Variants in RUNX1 observed in about 807,000 individuals in gnomAD.
The protein encoded by RUNX1 is RUNX family transcription factor 1, also known as runt-related transcription factor 1.
In RUNX1, 19 loss-of-function variants were observed where a neutral mutation model predicts 42.8. That is an observed-to-expected ratio of 0.44 (90% CI 0.31 to 0.65). The LOEUF (loss-of-function observed/expected upper bound fraction) is 0.65. Ranked by LOEUF, RUNX1 falls within the 30% of genes least tolerant of loss-of-function variation. The probability of loss-of-function intolerance (pLI) is 0.07; values close to 1 mark genes in which losing one functional copy is unlikely to be tolerated. For missense variants in RUNX1, 528 were observed against 672.0 expected (o/e 0.79, Z 2.37); for synonymous variants, 271 against 289.4 (o/e 0.94, Z 0.64).
intron 5 of RUNX1, among the ~76,000 whole-genome samples, chr21:34,866,207 T>C (rs1026677324): frequency 7.2e-5 from 11 of 152,196 alleles, no homozygotes; most frequent in Non-Finnish European, 1.3e-4. Flanking sequence ...TCAGAGTCCT[T>C]AGGAAACACA....
chr21:34,964,487 C>CAAA (rs58388110), intron 2 of RUNX1, among the ~76,000 whole-genome samples: 2 of 119,336 alleles, frequency 1.7e-5, no homozygotes, highest in African/African-American at 3.0e-5. Context: ...GACTCCATCT[C>CAAA]AAAAAAAAAA....
intron 2 of RUNX1, among the ~76,000 whole-genome samples, chr21:34,969,599 G>A (rs1220727979): frequency 6.6e-6 from 1 of 152,032 alleles, no homozygotes; most frequent in Non-Finnish European, 1.5e-5. Flanking sequence ...TCTGCCAGGA[G>A]ACCATATGAT....
intron 7 of RUNX1, among the ~76,000 whole-genome samples, chr21:34,808,820 T>C (rs1375037346): frequency 6.6e-6 from 1 of 152,122 alleles, no homozygotes; most frequent in Non-Finnish European, 1.5e-5. Flanking sequence ...GGCAGAGTGC[T>C]TTTGGAGGGA....
intron 7 of RUNX1, among the ~76,000 whole-genome samples, chr21:34,825,215 C>G (rs1374900678): frequency 6.6e-6 from 1 of 152,164 alleles, no homozygotes; most frequent in African/African-American, 2.4e-5. Flanking sequence ...AACTGTCTGG[C>G]TTTGGTCATC....
At chr21:34,836,806 T>C (rs1028939908) in intron 6 of RUNX1, among the ~76,000 whole-genome samples, 1 of 152,000 alleles carries the variant, frequency 6.6e-6, no homozygotes, top group Admixed American at 6.6e-5. Context: ...GTGAGCGAGG[T>C]CATTCTGAAT....
chr21:34,877,440 G>T (rs907956314), intron 5 of RUNX1, among the ~76,000 whole-genome samples: 2 of 152,124 alleles, frequency 1.3e-5, no homozygotes, highest in Non-Finnish European at 2.9e-5. Flanking sequence ...GGTCCCCAGA[G>T]CTCCCTAACC....
At chr21:35,001,546 G>A (rs770413978) in intron 2 of RUNX1, among the ~76,000 whole-genome samples, 2 of 151,960 alleles carry the variant, frequency 1.3e-5, no homozygotes, top group South Asian at 2.1e-4. Context: ...ACATAATACC[G>A]AATGATAAAC....
intron 6 of RUNX1, among the ~76,000 whole-genome samples, chr21:34,858,120 C>T (rs998278037): frequency 6.6e-6 from 1 of 152,194 alleles, no homozygotes; most frequent in African/African-American, 2.4e-5. Flanking sequence ...TGATTATTTG[C>T]AGAGCTCCAT....
rs2058154418 is a variant in RUNX1, at chr21:34,899,071, G to A, written c.59-6108C>T. ...TGGGATTACTGGCACGTGCCACCAT[G>A]CCCAGGTACTTTTTGTATTTTTTGT... On this transcript the variant is annotated intron_variant, in intron 2 of 8. Coordinates refer to ENST00000675419, the MANE Select transcript of RUNX1 (RefSeq NM_001754.5). Among the ~76,000 whole-genome samples, 3 of 152,090 alleles carry A rather than the reference G, an allele frequency of 2.0e-5. No individual in the cohort carries two copies. In the South Asian group the frequency reaches 6.2e-4, roughly 32 times the overall value.
intron 5 of RUNX1, among the ~76,000 whole-genome samples, chr21:34,874,565 A>C (rs932979324): frequency 7.2e-6 from 1 of 138,638 alleles, no homozygotes; most frequent in Non-Finnish European, 1.5e-5. Context: ...AGCTGAGATC[A>C]CACCACTGCA....
chr21:34,953,691 G>C (rs1010925270), intron 2 of RUNX1, among the ~76,000 whole-genome samples: 1 of 152,170 alleles, frequency 6.6e-6, no homozygotes, highest in Non-Finnish European at 1.5e-5. Flanking sequence ...AACTTATGGA[G>C]TTACAGGAAA....
chr21:34,850,105 C>CTAGG (rs1472659788), intron 6 of RUNX1, among the ~76,000 whole-genome samples: 1 of 152,080 alleles, frequency 6.6e-6, no homozygotes, highest in Non-Finnish European at 1.5e-5. Context: ...TGGAAAGTGG[C>CTAGG]TAGGGTATGA....
chr21:34,994,087 CT>C (rs976307925), intron 2 of RUNX1, among the ~76,000 whole-genome samples: 6 of 152,170 alleles, frequency 3.9e-5, no homozygotes, highest in African/African-American at 1.4e-4. Flanking sequence ...GGTCAGCCCC[CT>C]CTTAGTGAAT....
chr21:34,836,595 A>T (rs986471358), intron 6 of RUNX1, among the ~76,000 whole-genome samples: 1 of 152,236 alleles, frequency 6.6e-6, no homozygotes, highest in Non-Finnish European at 1.5e-5. Context: ...CCACAGTCTA[A>T]TGCCTGGCAT....
intron 2 of RUNX1, among the ~76,000 whole-genome samples, chr21:34,903,226 C>T (rs2058191236): frequency 6.6e-6 from 1 of 152,156 alleles, no homozygotes; most frequent in Non-Finnish European, 1.5e-5. Context: ...AAAAATATTA[C>T]AATTCAGCTC....
In RUNX1 at chr21:34,889,973, CAATT is replaced by C. The variant is rs904212397; in HGVS notation, c.98-2881_98-2878del. ...GCTTTGTGGTCCCCGCGGAGCCCCTCAATTAAGCTCCCCGGCGCGGGGGTCCCTC... is the reference window on the plus strand; with the variant it reads ...GCTTTGTGGTCCCCGCGGAGCCCCTCAAGCTCCCCGGCGCGGGGGTCCCTC... On this transcript the variant is annotated intron_variant, in intron 3 of 8. Coordinates refer to ENST00000675419, the MANE Select transcript of RUNX1 (RefSeq NM_001754.5). 3.7e-5 allele frequency: 19 copies of C among 516,886 alleles called. No homozygotes were observed. In the South Asian group the frequency reaches 7.5e-4, roughly 20 times the overall value. 32.0% of individuals were successfully genotyped at this position (516,886 alleles called of 1,614,324 possible). A position where few individuals can be genotyped will look rare whatever the true frequency, so the allele number is the denominator to read the frequency against.
At chr21:34,837,906 C>T (rs1466260144) in intron 6 of RUNX1, among the ~76,000 whole-genome samples, 11 of 151,974 alleles carry the variant, frequency 7.2e-5, no homozygotes, top group Non-Finnish European at 1.6e-4. Flanking sequence ...GTACCATTTT[C>T]TCATTTTTGA....
chr21:34,940,607 G>A (rs2058519434), intron 2 of RUNX1, among the ~76,000 whole-genome samples: 2 of 152,214 alleles, frequency 1.3e-5, no homozygotes, highest in South Asian at 4.1e-4. Flanking sequence ...TATGCCCTAA[G>A]TCAGAGTTGA....
intron 7 of RUNX1, among the ~76,000 whole-genome samples, chr21:34,819,992 T>G (rs2056884730): frequency 6.6e-6 from 1 of 152,260 alleles, no homozygotes; most frequent in African/African-American, 2.4e-5. Context: ...AAAGAAATCC[T>G]TTTGTAGCTG....
Sources: allele counts gnomAD v4.1 joint callset (sites outside exome capture counted in the v4.1 genomes callset), GRCh38; gene constraint gnomAD v4.1.1; transcripts MANE v1.5; gene names NCBI Gene and HGNC (gene_info 2026-07-23, HGNC 2026-07-21).